Variants in POLN observed in about 807,000 individuals in gnomAD.
The protein encoded by POLN is DNA polymerase N.
Under a neutral mutation model 113.5 loss-of-function variants are expected in POLN, and 108 were observed. The ratio of observed to expected loss-of-function variants is 0.95; its 90% CI spans 0.81 to 1.12. POLN has a LOEUF of 1.12. Ranked by LOEUF, POLN falls within the 50% of genes most tolerant of loss-of-function variation. The pLI is 0.00. For missense variants in POLN, 1,097 were observed against 1,077.1 expected (o/e 1.02, Z -0.26); for synonymous variants, 386 against 391.5 (o/e 0.99, Z 0.17).
At chr4:2,091,789 G>A (rs1730669657) in intron 20 of POLN, among the ~76,000 whole-genome samples, 1 of 122,030 alleles carries the variant, frequency 8.2e-6, no homozygotes, top group South Asian at 2.9e-4. Flanking sequence ...GTGTGTGTGT[G>A]TGTGTGTGTG....
intron 19 of POLN, among the ~76,000 whole-genome samples, chr4:2,116,899 T>C (rs1252455468): frequency 6.6e-6 from 1 of 152,216 alleles, no homozygotes; most frequent in African/African-American, 2.4e-5. Flanking sequence ...CTAGCAAAAC[T>C]CTTTAATGAA....
At chr4:2,128,643 C>T (rs565311944) in intron 18 of POLN, among the ~76,000 whole-genome samples, 30 of 148,080 alleles carry the variant, frequency 2.0e-4, no homozygotes, top group Non-Finnish European at 3.6e-4. Context: ...CCGGCAAGGC[C>T]GCAGCGAGCA....
chr4:2,198,876 T>C (rs538949256), intron 5 of POLN, among the ~76,000 whole-genome samples, 159 bp from the exon 6 acceptor site: 148 of 152,220 alleles, frequency 9.7e-4, no homozygotes, highest in South Asian at 3.3e-3. Context: ...GCCAAACCCA[T>C]GACCTTATGC....
At chr4:2,174,072 C>G in intron 10 of POLN, 53 bp from the exon 11 acceptor site, 1 of 1,550,004 alleles carries the variant, frequency 6.5e-7, no homozygotes, top group Non-Finnish European at 8.9e-7. Flanking sequence ...ATTCTTTTTA[C>G]TAAAGACTAA....
rs185338624 is a variant in POLN, at chr4:2,191,710, C to T, written c.1021+1494G>A. Among the ~76,000 whole-genome samples, 391 of 152,066 alleles carry T rather than the reference C, an allele frequency of 2.6e-3. 3 individuals are homozygous for T. Among genetic ancestry groups the T allele is most frequent in the African/African-American group, 9.0e-3 (374 of 41,482 alleles). Reference sequence around the variant, plus strand: ...GGGTGGGGAGAGATGATGGTGTTGTCTTAAAAACAGAATCTCACATTTTAG... The same window carrying T: ...GGGTGGGGAGAGATGATGGTGTTGTTTTAAAAACAGAATCTCACATTTTAG... On this transcript the variant is annotated intron_variant, in intron 7 of 25. Transcript: ENST00000511885.
intron 8 of POLN, 71 bp downstream of exon 8, chr4:2,179,237 T>C (rs1733072270): frequency 7.2e-7 from 1 of 1,397,138 alleles, no homozygotes; most frequent in Admixed American, 2.1e-5. Context: ...AGGCTATCAA[T>C]AAAATAGAAA....
chr4:2,171,632 A>C lies in POLN; in HGVS notation c.1375-451T>G, dbSNP rs962951634. On this transcript the variant is annotated intron_variant, in intron 11 of 25. Transcript: ENST00000511885. ...AGTAATAAATAACCTATAATTTATC[A>C]AAATAAGCATAAAAATACACACTTT... Among the ~76,000 whole-genome samples the C allele has an allele frequency of 4.6e-5, 7 of 151,448 alleles. 1 individual carries two copies. The highest frequency in any genetic ancestry group is 3.9e-4 in the Admixed American group (6 of 15,202).
intron 24 of POLN, among the ~76,000 whole-genome samples, chr4:2,073,840 G>T (rs1043088167): frequency 6.6e-6 from 1 of 152,216 alleles, no homozygotes; most frequent in Non-Finnish European, 1.5e-5. Flanking sequence ...TCCCTGGTGT[G>T]TCCTGAGCAG....
intron 18 of POLN, among the ~76,000 whole-genome samples, chr4:2,128,636 G>A (rs139193537): frequency 6.6e-6 from 1 of 150,972 alleles, no homozygotes; most frequent in African/African-American, 2.4e-5. Context: ...GTAGGGTCCG[G>A]CAAGGCCGCA....
At chr4:2,145,890 T>A (rs1176755899) in intron 16 of POLN, among the ~76,000 whole-genome samples, 1 of 152,202 alleles carries the variant, frequency 6.6e-6, no homozygotes, top group African/African-American at 2.4e-5. Context: ...GGAAACAACC[T>A]AGTATATCTG....
chr4:2,157,037 G>C (rs1732452282), intron 15 of POLN, among the ~76,000 whole-genome samples, 184 bp from the exon 16 acceptor site: 1 of 152,190 alleles, frequency 6.6e-6, no homozygotes, highest in South Asian at 2.1e-4. Flanking sequence ...CGTGATCAGG[G>C]AAGGCTGAAG....
intron 20 of POLN, chr4:2,089,962 C>T: frequency 1.1e-6 from 1 of 937,652 alleles, no homozygotes. Flanking sequence ...TTTTGTTAAC[C>T]TACATGATTC....
At chr4:2,111,366 C>T (rs1731189894) in intron 19 of POLN, among the ~76,000 whole-genome samples, 1 of 151,828 alleles carries the variant, frequency 6.6e-6, no homozygotes, top group Non-Finnish European at 1.5e-5. Context: ...TCCTATTCAA[C>T]ATAGTGTTGG....
intron 7 of POLN, among the ~76,000 whole-genome samples, chr4:2,186,797 G>GA (rs1733286539): frequency 6.6e-6 from 1 of 152,196 alleles, no homozygotes; most frequent in Non-Finnish European, 1.5e-5. Context: ...ACCTTAACAG[G>GA]ATGGCGACAG....
At chr4:2,086,642 A>G (rs1393856747) in intron 20 of POLN, among the ~76,000 whole-genome samples, 2 of 152,170 alleles carry the variant, frequency 1.3e-5, no homozygotes, top group Non-Finnish European at 2.9e-5. Context: ...GAGAATGAGG[A>G]ATCCATGAGA....
intron 24 of POLN, among the ~76,000 whole-genome samples, chr4:2,074,400 C>T (rs1225663257): frequency 6.6e-6 from 1 of 152,206 alleles, no homozygotes; most frequent in Non-Finnish European, 1.5e-5. Context: ...CAGCCTGCCT[C>T]AGGAGCTGCC....
At chr4:2,088,803 G>A (rs1479097418) in intron 20 of POLN, 1 of 1,383,170 alleles carries the variant, frequency 7.2e-7, no homozygotes, top group African/African-American at 1.4e-5. Flanking sequence ...GCTACAAGAG[G>A]ACTTATTTCT....
chr4:2,074,514 A>G lies in POLN; in HGVS notation c.2455+938T>C, dbSNP rs113170544. Reference sequence around the variant, plus strand: ...CACACGTTATACTTGTTAAATGGTCACGTAAGGTGGGTGTGTTTTCAAATG... The same window carrying G: ...CACACGTTATACTTGTTAAATGGTCGCGTAAGGTGGGTGTGTTTTCAAATG... On this transcript the variant is annotated intron_variant, in intron 24 of 25. Coordinates refer to ENST00000511885, the MANE Select transcript of POLN (RefSeq NM_181808.4). Among the ~76,000 whole-genome samples the G allele has an allele frequency of 6.6e-5, 10 of 152,238 alleles. 1 individual carries two copies. The highest frequency in any genetic ancestry group is 2.4e-4 in the African/African-American group (10 of 41,538).
chr4:2,131,189 G>T, intron 17 of POLN, 44 bp downstream of exon 17: 1 of 1,387,702 alleles, frequency 7.2e-7, no homozygotes, highest in South Asian at 1.2e-5. Context: ...TATCTCAAAA[G>T]AGAGTTACCA....
Sources: gnomAD v4.1 joint callset for allele counts (sites outside exome capture counted in the v4.1 genomes callset) on GRCh38, gnomAD v4.1.1 for gene constraint, MANE v1.5 for transcripts, NCBI Gene and HGNC (gene_info 2026-07-23, HGNC 2026-07-21) for gene names.